PARVA: variants seen among roughly 807,000 people sequenced by gnomAD.
PARVA encodes alpha-parvin.
Under a neutral mutation model 52.6 loss-of-function variants are expected in PARVA, and 25 were observed. That is an observed-to-expected ratio of 0.48 (90% CI 0.35 to 0.66). The LOEUF (loss-of-function observed/expected upper bound fraction) is 0.66, where lower values mean the gene tolerates loss of function less well. PARVA is among the 30% of genes least tolerant of loss of function. The pLI is 0.01. For missense variants in PARVA, 373 were observed against 450.9 expected, an observed-to-expected ratio of 0.83 and a Z score of 1.56; for synonymous variants, 185 against 179.1, an observed-to-expected ratio of 1.03 and a Z score of -0.26.
chr11:12,496,474 G>A lies in PARVA; in HGVS notation c.417G>A (p.Glu139=). The A allele has an allele frequency of 1.2e-6, 2 of 1,607,970 alleles. No homozygotes were observed. Among genetic ancestry groups the A allele is most frequent in the Non-Finnish European group, 1.7e-6 (2 of 1,177,184 alleles). The change falls in exon 5 of 13, where the codon GAG becomes GAA. Residue 139 remains glutamate, a synonymous_variant. Transcript: ENST00000334956. ...CACCCTCAGAGAAACTGGAGAGTGA[G>A]AAGCTAAATGTGGCTGAGGTCACCC... ...LQKLFEKLES[E]KLNVAEVTQS...
intron 4 of PARVA, among the ~76,000 whole-genome samples, chr11:12,495,130 G>A (rs1036106069): frequency 3.9e-5 from 6 of 152,188 alleles, no homozygotes; most frequent in South Asian, 2.1e-4. Context: ...CAAGATGTAA[G>A]AAGAAGACAT....
chr11:12,407,252 C>A (rs1426120950), intron 1 of PARVA, among the ~76,000 whole-genome samples: 1 of 152,018 alleles, frequency 6.6e-6, no homozygotes, highest in African/African-American at 2.4e-5. Flanking sequence ...AATATCAATT[C>A]CTTGGGAGGC....
At position 12,534,498 on chromosome 11, in the gene PARVA, A is replaced by C. The variant is rs1170816427; in HGVS notation, c.*6573A>C. Among the ~76,000 whole-genome samples the C allele has an allele frequency of 6.6e-6, 1 of 152,204 alleles. No homozygotes were observed. Among genetic ancestry groups the C allele is most frequent in the East Asian group, 1.9e-4 (1 of 5,188 alleles). On this transcript the variant is annotated 3_prime_UTR_variant, in exon 13 of 13. Coordinates refer to ENST00000334956, the MANE Select transcript of PARVA (RefSeq NM_018222.5). ...GGAAGGGCACTTGGGAAATTCAGAG[A>C]AGTACCCATTATTAAGATAAATGAT...
chr11:12,475,101 G>A (rs1439049955), intron 3 of PARVA, among the ~76,000 whole-genome samples: 1 of 152,164 alleles, frequency 6.6e-6, no homozygotes, highest in African/African-American at 2.4e-5. Context: ...TAGACTCCTT[G>A]CTCTAGCTGC....
At chr11:12,420,746 T>TA (rs1233030844) in intron 1 of PARVA, among the ~76,000 whole-genome samples, 2 of 152,200 alleles carry the variant, frequency 1.3e-5, no homozygotes, top group African/African-American at 4.8e-5. Context: ...TTAATCTTCT[T>TA]ACCAATCTTG....
intron 10 of PARVA, among the ~76,000 whole-genome samples, chr11:12,515,927 C>G (rs1463459749): frequency 6.6e-6 from 1 of 152,214 alleles, no homozygotes; most frequent in Admixed American, 6.5e-5. Context: ...TCCTCAACTT[C>G]CCAGGCTCAG....
rs569260582 is a variant in PARVA at position 12,511,416 on chromosome 11, G to A, written c.717-98G>A. 8.4e-4 allele frequency: 1,098 copies of A among 1,313,358 alleles called. 1 individual carries two copies. Among genetic ancestry groups the A allele is most frequent in the Non-Finnish European group, 7.6e-4 (702 of 925,658 alleles). The allele number at this position is 1,313,358 out of a possible 1,614,324, so 81.4% of individuals were successfully genotyped here. A position where few individuals can be genotyped will look rare whatever the true frequency, so the allele number is the denominator to read the frequency against. On this transcript the variant is annotated intron_variant, in intron 7 of 12. Coordinates refer to ENST00000334956, the MANE Select transcript of PARVA (RefSeq NM_018222.5). The stretch of plus-strand genomic sequence containing the variant: ...GCAGGTGGGTGGCAGGCAGCATGGG[G>A]TGGGCTTCCAGCAGTGATGGAGTGT...
At chr11:12,472,079 C>G (rs987872433) in intron 1 of PARVA, among the ~76,000 whole-genome samples, 4 of 152,174 alleles carry the variant, frequency 2.6e-5, no homozygotes, top group African/African-American at 9.7e-5. Context: ...TTGTGCTTAG[C>G]TGGAAAACAA....
intron 1 of PARVA, among the ~76,000 whole-genome samples, chr11:12,426,247 G>T (rs1170102859): frequency 6.6e-6 from 1 of 152,236 alleles, no homozygotes; most frequent in Admixed American, 6.5e-5. Context: ...TTTAAGCTGA[G>T]AGCTGAAGGA....
intron 1 of PARVA, among the ~76,000 whole-genome samples, chr11:12,381,468 C>T (rs749987184): frequency 5.3e-5 from 8 of 152,162 alleles, no homozygotes; most frequent in Non-Finnish European, 1.0e-4. Flanking sequence ...TGCTATGTCC[C>T]ACTGTAGGAC....
chr11:12,522,421 C>CTTTTTTTTTTTTTTTTTTTTTTT, intron 12 of PARVA, among the ~76,000 whole-genome samples: 1 of 134,634 alleles, frequency 7.4e-6, no homozygotes, highest in Non-Finnish European at 1.5e-5. Flanking sequence ...GAGCTTTATT[C>CTTTTTTTTTTTTTTTTTTTTTTT]TTTTTTTTTT....
chr11:12,451,697 A>T (rs1940625854), intron 1 of PARVA, among the ~76,000 whole-genome samples: 1 of 152,222 alleles, frequency 6.6e-6, no homozygotes, highest in Admixed American at 6.5e-5. Context: ...CTAATGCATT[A>T]GGCAGTAGGT....
At chr11:12,522,256 T>C (rs564612508) in intron 12 of PARVA, among the ~76,000 whole-genome samples, 2 of 152,216 alleles carry the variant, frequency 1.3e-5, no homozygotes, top group East Asian at 1.9e-4. Flanking sequence ...TAAAAAAGAC[T>C]GAACTGAGAA....
intron 1 of PARVA, among the ~76,000 whole-genome samples, chr11:12,457,118 A>G (rs1417618441): frequency 6.6e-6 from 1 of 152,234 alleles, no homozygotes; most frequent in Non-Finnish European, 1.5e-5. Flanking sequence ...CCCACAGTCA[A>G]GACTGAATAA....
chr11:12,441,765 C>T (rs752523483), intron 1 of PARVA, among the ~76,000 whole-genome samples: 22 of 152,130 alleles, frequency 1.4e-4, no homozygotes, highest in Non-Finnish European at 2.5e-4. Context: ...TAAACAAAAA[C>T]GACTATATTT....
At chr11:12,397,771 C>G (rs929509599) in intron 1 of PARVA, among the ~76,000 whole-genome samples, 2 of 151,682 alleles carry the variant, frequency 1.3e-5, no homozygotes, top group Non-Finnish European at 2.9e-5. Flanking sequence ...GTGTTCTTAA[C>G]CATCTCTCCA....
intron 1 of PARVA, among the ~76,000 whole-genome samples, chr11:12,431,984 T>C (rs1032189856): frequency 5.9e-5 from 9 of 152,238 alleles, no homozygotes; most frequent in Admixed American, 5.9e-4. Context: ...TGCTTGTCCA[T>C]TGAATCAGAA....
At chr11:12,487,906 A>C (rs942134365) in intron 4 of PARVA, among the ~76,000 whole-genome samples, 5 of 152,296 alleles carry the variant, frequency 3.3e-5, no homozygotes, top group Non-Finnish European at 7.4e-5. Flanking sequence ...GGACTAGGGA[A>C]CTTGGGACTG....
At chr11:12,455,702 T>C (rs1020165109) in intron 1 of PARVA, among the ~76,000 whole-genome samples, 5 of 152,180 alleles carry the variant, frequency 3.3e-5, no homozygotes, top group African/African-American at 9.7e-5. Flanking sequence ...GTAATAGCAT[T>C]CATATTTATT....
Sources: gnomAD v4.1 joint callset for allele counts (sites outside exome capture counted in the v4.1 genomes callset) on GRCh38, gnomAD v4.1.1 for gene constraint, MANE v1.5 for transcripts, NCBI Gene and HGNC (gene_info 2026-07-23, HGNC 2026-07-21) for gene names.